Variants in TNN observed in about 807,000 individuals in gnomAD.
TNN encodes tenascin N.
Under a neutral mutation model 134.4 loss-of-function variants are expected in TNN, and 122 were observed. The ratio of observed to expected loss-of-function variants is 0.91; its 90% CI spans 0.78 to 1.06. The LOEUF is 1.06. Among genes scored for constraint, TNN ranks in the 50% least tolerant of loss-of-function variants. TNN has a pLI of 0.00. For synonymous variants in TNN, 710 were observed against 670.3 expected, an observed-to-expected ratio of 1.06 and a Z score of -0.91; for missense variants, 1,739 against 1,699.4, an observed-to-expected ratio of 1.02 and a Z score of -0.41.
chr1:175,095,762 C>T (rs778042537), intron 7 of TNN, among the ~76,000 whole-genome samples: 13 of 152,094 alleles, frequency 8.5e-5, no homozygotes, highest in African/African-American at 3.1e-4. Flanking sequence ...TTAATAGAGA[C>T]GGGTTTTCAC....
chr1:175,087,734 C>T (rs1372271488), intron 6 of TNN, among the ~76,000 whole-genome samples: 1 of 152,184 alleles, frequency 6.6e-6, no homozygotes, highest in African/African-American at 2.4e-5. Flanking sequence ...AGCCTCAGAT[C>T]CCACAAGTTA....
chr1:175,137,186 T>C (rs542846154), intron 17 of TNN, among the ~76,000 whole-genome samples, 198 bp downstream of exon 17: 3 of 152,198 alleles, frequency 2.0e-5, no homozygotes, highest in African/African-American at 7.2e-5. Flanking sequence ...CACCATAAAA[T>C]TGGAATTTTG....
At chr1:175,134,100 C>T (rs922447107) in intron 15 of TNN, among the ~76,000 whole-genome samples, 1 of 152,232 alleles carries the variant, frequency 6.6e-6, no homozygotes, top group Non-Finnish European at 1.5e-5. Flanking sequence ...GAACTCCTAG[C>T]ATTGCCTGAG....
intron 9 of TNN, among the ~76,000 whole-genome samples, chr1:175,111,023 G>GAA (rs749532806): frequency 2.2e-5 from 3 of 134,374 alleles, no homozygotes; most frequent in Admixed American, 7.5e-5. Context: ...AAAAATACAA[G>GAA]AAAAAAAAAA....
Position 175,094,160 on chromosome 1 carries a change from A to T in TNN, c.1495A>T (p.Thr499Ser). 1 of 1,614,162 alleles carries T rather than the reference A, an allele frequency of 6.2e-7. No homozygotes were observed. The highest frequency in any genetic ancestry group is 8.5e-7 in the Non-Finnish European group (1 of 1,180,014). Residue 499 changes from threonine to serine, a missense_variant, in exon 7 of 19, where the codon ACG becomes TCG. Thr to Ser is a moderately conservative substitution (Grantham distance 58). Coordinates refer to ENST00000239462, the MANE Select transcript of TNN (RefSeq NM_022093.2). ...CAAGGATGAGAGCAGCACTGTCCTG[A>T]CGGGCCTGAAGCCAGGAGAGGCATA... ...VHKDESSTVL[T>S]GLKPGEAYKV...
At position 175,127,021 on chromosome 1, in the gene TNN, CG is replaced by C; in HGVS notation, c.2982del (p.Ser997LeufsTer9). 1.2e-6 allele frequency: 2 copies of C among 1,614,120 alleles called. No individual in the cohort carries two copies. The highest frequency in any genetic ancestry group is 1.7e-6 in the Non-Finnish European group (2 of 1,179,994). ...VTQSGGILTW[T>X]PPSAQIHGYI... ...CAGTCTGGTGGCATATTGACCTGGA[CG>C]CCCCCCTCTGCTCAGATCCACGGCT... is the stretch of plus-strand genomic sequence containing the variant. On this transcript the variant is annotated frameshift_variant, in exon 13 of 19. Coordinates refer to ENST00000239462, the MANE Select transcript of TNN (RefSeq NM_022093.2). LOFTEE classifies it high-confidence loss of function.
intron 15 of TNN, among the ~76,000 whole-genome samples, chr1:175,132,488 A>G (rs1339067277): frequency 6.6e-6 from 1 of 152,240 alleles, no homozygotes; most frequent in Non-Finnish European, 1.5e-5. Context: ...TAAAAGATGG[A>G]TACTTGAGCA....
At chr1:175,144,364 C>T (rs912220488) in intron 17 of TNN, 23 bp from the exon 18 acceptor site, 36 of 1,610,128 alleles carry the variant, frequency 2.2e-5, no homozygotes, top group Non-Finnish European at 2.7e-5. Flanking sequence ...TGGGCTCTCG[C>T]CTCCGTCTCT....
chr1:175,077,447 C>T lies in TNN; in HGVS notation c.29C>T (p.Pro10Leu), dbSNP rs1309039795. MSLQEMFRF[P>L]MGLLLGSVLL... ...AGTCTCCAGGAGATGTTCCGCTTCCCTATGGGGCTCCTGCTTGGCTCTGTG... is the reference window on the plus strand; with the variant it reads ...AGTCTCCAGGAGATGTTCCGCTTCCTTATGGGGCTCCTGCTTGGCTCTGTG... Residue 10 changes from proline to leucine, a missense_variant, in exon 2 of 19, where the codon CCT becomes CTT. Coordinates refer to ENST00000239462, the MANE Select transcript of TNN (RefSeq NM_022093.2). 7 of 1,613,778 alleles carry T rather than the reference C, an allele frequency of 4.3e-6. No individual in the cohort carries two copies. The highest frequency in any genetic ancestry group is 5.9e-6 in the Non-Finnish European group (7 of 1,179,984).
rs1252250827 is a variant in TNN at position 175,079,670 on chromosome 1, C to T, written c.747C>T (p.Tyr249=). The T allele has an allele frequency of 1.2e-6, 2 of 1,608,692 alleles. No homozygotes were observed. Among genetic ancestry groups the T allele is most frequent in the Non-Finnish European group, 8.5e-7 (1 of 1,177,998 alleles). Residue 249 remains tyrosine, a synonymous_variant, in exon 3 of 19, where the codon TAC becomes TAT. Coordinates refer to ENST00000239462, the MANE Select transcript of TNN (RefSeq NM_022093.2). Reference sequence around the variant, plus strand: ...GCTTCTGTGACACGGGCGAGTGCTACTGCGAGGAGGGCTTCACAGGCCTGG... The same window carrying T: ...GCTTCTGTGACACGGGCGAGTGCTATTGCGAGGAGGGCTTCACAGGCCTGG... ...GHGFCDTGEC[Y]CEEGFTGLDC...
chr1:175,105,738 G>C (rs887981812), intron 9 of TNN, among the ~76,000 whole-genome samples: 2 of 145,340 alleles, frequency 1.4e-5, no homozygotes, highest in Non-Finnish European at 3.1e-5. Context: ...GGGTCAAATT[G>C]GTCCCAATGG....
chr1:175,116,171 A>T (rs1251230081), intron 9 of TNN, among the ~76,000 whole-genome samples: 1 of 152,196 alleles, frequency 6.6e-6, no homozygotes, highest in Non-Finnish European at 1.5e-5. Context: ...CTCATATAAT[A>T]TTCACAATAA....
chr1:175,125,709 CTTTCTTTCTTTCTT>C lies in TNN; in HGVS notation c.2915-1244_2915-1231del, dbSNP rs1558369348. 6.6e-4 allele frequency among the ~76,000 whole-genome samples: 14 copies of C among 21,360 alleles called. No individual in the cohort carries two copies. In the East Asian group the frequency reaches 9.1e-3, roughly 14 times the overall value. The allele number at this position is 21,360 out of a possible 152,430, so 14.0% of individuals were successfully genotyped here. On this transcript the variant is annotated intron_variant, in intron 12 of 18. Coordinates refer to ENST00000239462, the MANE Select transcript of TNN (RefSeq NM_022093.2). Reference sequence around the variant, plus strand: ...TTCTTTCTCTCTTTTTTCTCTCTTTCTTTCTTTCTTTCTTTCTTTCTTTCTTTCTTTCTTTCTTT... The same window carrying C: ...TTCTTTCTCTCTTTTTTCTCTCTTTCTCTTTCTTTCTTTCTTTCTTTCTTT...
chr1:175,107,377 C>T (rs1175448000), intron 9 of TNN, among the ~76,000 whole-genome samples: 1 of 143,582 alleles, frequency 7.0e-6, no homozygotes, highest in Non-Finnish European at 1.5e-5. Context: ...GAGTTTCTTC[C>T]TTCTGGTGGG....
chr1:175,146,788 C>A, intron 18 of TNN, 143 bp from the exon 19 acceptor site: 2 of 779,708 alleles, frequency 2.6e-6, no homozygotes, highest in Non-Finnish European at 1.8e-6. Flanking sequence ...CTTCTCATCA[C>A]CCCGTCTCTT....
In TNN at chr1:175,097,698, A is replaced by T; in HGVS notation, c.1855+15A>T. Reference sequence around the variant, plus strand: ...CGCCCCGACAGGTAACAAAAGAGAGATGGTCAATTGGAATTGAGTTTTAGC... The same window carrying T: ...CGCCCCGACAGGTAACAAAAGAGAGTTGGTCAATTGGAATTGAGTTTTAGC... On this transcript the variant is annotated intron_variant, in intron 8 of 18. Coordinates refer to ENST00000239462, the MANE Select transcript of TNN (RefSeq NM_022093.2). 6.2e-7 allele frequency: 1 copy of T among 1,613,882 alleles called. No individual in the cohort carries two copies. Among genetic ancestry groups the T allele is most frequent in the Middle Eastern group, 1.7e-4 (1 of 6,056 alleles).
chr1:175,067,938 A>G lies in TNN; in HGVS notation c.-36+3A>G, dbSNP rs1558343647. 1 of 475,896 alleles carries G rather than the reference A, an allele frequency of 2.1e-6. No individual in the cohort carries two copies. Among genetic ancestry groups the G allele is most frequent in the Admixed American group, 2.2e-5 (1 of 44,648 alleles). The allele number at this position is 475,896 out of a possible 1,614,324, so 29.5% of individuals were successfully genotyped here. A position where few individuals can be genotyped will look rare whatever the true frequency, so the allele number is the denominator to read the frequency against. On this transcript the variant is annotated splice_donor_region_variant and intron_variant, in intron 1 of 18. Transcript: ENST00000239462. The stretch of plus-strand genomic sequence containing the variant: ...AGAGGCACCCAGCAGCCTCCCAGGT[A>G]AGAGTGCCAGTTGCCCAAGCTTTAC...
chr1:175,079,792 G>A (rs1338954829), intron 3 of TNN, 85 bp downstream of exon 3: 13 of 1,466,184 alleles, frequency 8.9e-6, no homozygotes, highest in Middle Eastern at 2.3e-4. Flanking sequence ...GTCATCTTTG[G>A]GGGTCTCTTC....
intron 16 of TNN, among the ~76,000 whole-genome samples, chr1:175,136,217 G>A (rs770245833): frequency 3.3e-5 from 5 of 152,126 alleles, no homozygotes; most frequent in Non-Finnish European, 5.9e-5. Flanking sequence ...AGCCACAGTA[G>A]TAGAAAAAAA....
Sources: allele counts gnomAD v4.1 joint callset (sites outside exome capture counted in the v4.1 genomes callset), GRCh38; gene constraint gnomAD v4.1.1; transcripts MANE v1.5; gene names NCBI Gene and HGNC (gene_info 2026-07-23, HGNC 2026-07-21).